The following CDH4 variants were observed in gnomAD, a reference collection of about 807,000 sequenced individuals.
CDH4 encodes the protein cadherin 4, also known as cadherin-4.
A neutral mutation model predicts 86.0 loss-of-function variants in CDH4; 33 were observed. That is an observed-to-expected ratio of 0.38 (90% CI 0.29 to 0.51). CDH4 has a LOEUF of 0.51. Among genes scored for constraint, CDH4 ranks in the 20% least tolerant of loss-of-function variants. CDH4 has a pLI of 0.86. For synonymous variants in CDH4, 555 were observed against 549.4 expected (o/e 1.01, Z -0.14); for missense variants, 1,114 against 1,307.4 (o/e 0.85, Z 2.28).
chr20:61,291,069 C>G (rs2084318010), intron 2 of CDH4, among the ~76,000 whole-genome samples: 1 of 152,156 alleles, frequency 6.6e-6, no homozygotes, highest in South Asian at 2.1e-4. Flanking sequence ...CTGTCTCACA[C>G]TCAGCTCTGT....
chr20:61,746,533 A>C (rs563529811), intron 3 of CDH4, among the ~76,000 whole-genome samples: 1 of 152,216 alleles, frequency 6.6e-6, no homozygotes, highest in Admixed American at 6.5e-5. Flanking sequence ...ATGTGTGGGG[A>C]AGGAGTGGAA....
At chr20:61,481,759 TTG>T (rs1192907680) in intron 2 of CDH4, among the ~76,000 whole-genome samples, 1 of 151,694 alleles carries the variant, frequency 6.6e-6, no homozygotes, top group African/African-American at 2.4e-5. Context: ...GAATCGTAGT[TTG>T]TCTCTCATTC....
chr20:61,306,512 A>G (rs1313636349), intron 2 of CDH4, among the ~76,000 whole-genome samples: 1 of 151,794 alleles, frequency 6.6e-6, no homozygotes, highest in African/African-American at 2.4e-5. Flanking sequence ...AATTTTTTGT[A>G]TTTTTAGTAG....
rs548923280 is a variant in CDH4 at position 61,868,634 on chromosome 20, C to T, written c.878-5094C>T. ...CCTCCACGCTGGCTGAGTGTCCCTC[C>T]ATGCTAAGCGGTGTCCTCCATGCTG... On this transcript the variant is annotated intron_variant, in intron 6 of 15. Coordinates refer to ENST00000614565, the MANE Select transcript of CDH4 (RefSeq NM_001794.5). Among the ~76,000 whole-genome samples, 11 of 152,074 alleles carry T rather than the reference C, an allele frequency of 7.2e-5. No individual in the cohort carries two copies. In the South Asian group the frequency reaches 2.3e-3, roughly 32 times the overall value.
At chr20:61,342,843 A>G (rs932150531) in intron 2 of CDH4, among the ~76,000 whole-genome samples, 3 of 152,252 alleles carry the variant, frequency 2.0e-5, no homozygotes, top group African/African-American at 7.2e-5. Context: ...AAATTTGTGA[A>G]TAAAAAAATG....
intron 6 of CDH4, among the ~76,000 whole-genome samples, chr20:61,855,261 G>A (rs1025968125): frequency 3.3e-5 from 5 of 152,188 alleles, no homozygotes; most frequent in Non-Finnish European, 7.4e-5. Flanking sequence ...GGGCTGCAGC[G>A]TGAACAGGGT....
intron 2 of CDH4, among the ~76,000 whole-genome samples, chr20:61,690,647 G>T (rs894270789): frequency 1.3e-5 from 2 of 152,142 alleles, no homozygotes; most frequent in Non-Finnish European, 2.9e-5. Flanking sequence ...AGGACGGGGG[G>T]AGTTTCTCCA....
At chr20:61,784,859 C>T (rs1481573596) in intron 4 of CDH4, among the ~76,000 whole-genome samples, 8 of 152,128 alleles carry the variant, frequency 5.3e-5, no homozygotes, top group East Asian at 3.9e-4. Flanking sequence ...CTCTGGATGG[C>T]GCGAGTTTCC....
At chr20:61,293,515 G>T (rs2084334958) in intron 2 of CDH4, among the ~76,000 whole-genome samples, 1 of 152,310 alleles carries the variant, frequency 6.6e-6, no homozygotes, top group East Asian at 1.9e-4. Flanking sequence ...GCCAGGCCTG[G>T]ACTGGTCCTG....
At chr20:61,845,628 T>C (rs2146103296) in intron 5 of CDH4, among the ~76,000 whole-genome samples, 1 of 152,380 alleles carries the variant, frequency 6.6e-6, no homozygotes, top group Admixed American at 6.5e-5. Context: ...ATGTGAGCTA[T>C]TGGGCAGATG....
intron 2 of CDH4, among the ~76,000 whole-genome samples, chr20:61,690,502 G>A (rs1462278331): frequency 2.6e-5 from 4 of 152,098 alleles, no homozygotes; most frequent in African/African-American, 4.8e-5. Context: ...AGGAAGGAGT[G>A]TGGACCCAAT....
intron 2 of CDH4, among the ~76,000 whole-genome samples, chr20:61,653,239 G>C (rs2145819107): frequency 1.5e-5 from 2 of 131,648 alleles, no homozygotes; most frequent in African/African-American, 5.3e-5. Flanking sequence ...GTTTCAGAGA[G>C]CACAGGGTTG....
chr20:61,267,134 G>A (rs2084161872), intron 2 of CDH4, among the ~76,000 whole-genome samples: 1 of 152,108 alleles, frequency 6.6e-6, no homozygotes, highest in Admixed American at 6.5e-5. Flanking sequence ...GTTGACACTG[G>A]GATTTCAGAC....
intron 4 of CDH4, among the ~76,000 whole-genome samples, chr20:61,838,962 G>A (rs1982010611): frequency 1.3e-5 from 2 of 152,254 alleles, no homozygotes; most frequent in Middle Eastern, 3.2e-3. Context: ...CATGGCACCT[G>A]TTGGCACCAT....
chr20:61,932,445 C>T (rs2055121947), intron 13 of CDH4, among the ~76,000 whole-genome samples: 2 of 152,152 alleles, frequency 1.3e-5, no homozygotes, highest in South Asian at 4.1e-4. Context: ...CATGGGCACA[C>T]ATGTACTATG....
intron 2 of CDH4, among the ~76,000 whole-genome samples, chr20:61,670,377 T>G (rs930579412): frequency 2.0e-5 from 3 of 152,198 alleles, no homozygotes; most frequent in African/African-American, 7.2e-5. Flanking sequence ...ACTGTCATTG[T>G]CCCAGCCTCA....
chr20:61,855,315 G>A (rs117827790), intron 6 of CDH4, among the ~76,000 whole-genome samples: 2,562 of 152,292 alleles, frequency 0.017, 25 homozygotes, highest in Non-Finnish European at 0.026. Flanking sequence ...TATGACACAC[G>A]GGTGCATCCA....
At chr20:61,798,346 C>T (rs1197317325) in intron 4 of CDH4, among the ~76,000 whole-genome samples, 8 of 152,224 alleles carry the variant, frequency 5.3e-5, no homozygotes, top group African/African-American at 1.2e-4. Context: ...CCTGGCCCCA[C>T]GGGCCTCCAC....
chr20:61,686,037 G>T (rs1163736004), intron 2 of CDH4, among the ~76,000 whole-genome samples: 1 of 152,232 alleles, frequency 6.6e-6, no homozygotes, highest in East Asian at 1.9e-4. Flanking sequence ...TAATGTCAAT[G>T]TTAGCACCAT....
Sources: allele counts gnomAD v4.1 joint callset (sites outside exome capture counted in the v4.1 genomes callset), GRCh38; gene constraint gnomAD v4.1.1; transcripts MANE v1.5; gene names NCBI Gene and HGNC (gene_info 2026-07-23, HGNC 2026-07-21).